RARB: variants seen among roughly 807,000 people sequenced by gnomAD.
The protein encoded by RARB is retinoic acid receptor beta.
Under a neutral mutation model 51.9 loss-of-function variants are expected in RARB, and 17 were observed. The ratio of observed to expected loss-of-function variants is 0.33; its 90% CI spans 0.22 to 0.49. RARB has a LOEUF of 0.49. Ranked by LOEUF, RARB falls within the 20% of genes least tolerant of loss-of-function variation. The probability of loss-of-function intolerance (pLI) is 0.99; values close to 1 mark genes in which losing one functional copy is unlikely to be tolerated. For synonymous variants in RARB, 215 were observed against 195.4 expected, an observed-to-expected ratio of 1.10 and a Z score of -0.84; for missense variants, 369 against 550.8, an observed-to-expected ratio of 0.67 and a Z score of 3.30.
intron 2 of RARB, among the ~76,000 whole-genome samples, chr3:24,916,768 A>G (rs372124183): frequency 1.0e-4 from 2 of 19,820 alleles, no homozygotes. Flanking sequence ...TTTGCTGTTC[A>G]AAAAAAAAAA....
chr3:25,125,309 GTTA>G (rs1699844045), intron 3 of RARB, among the ~76,000 whole-genome samples: 1 of 152,184 alleles, frequency 6.6e-6, no homozygotes, highest in Non-Finnish European at 1.5e-5. Flanking sequence ...TCAACAAATA[GTTA>G]TTATTTGCCT....
chr3:25,326,186 A>G (rs576379644), intron 5 of RARB, among the ~76,000 whole-genome samples: 3 of 152,360 alleles, frequency 2.0e-5, no homozygotes, highest in South Asian at 4.1e-4. Flanking sequence ...ATATTGCTGT[A>G]TATCTCCCTA....
At chr3:25,107,023 C>A (rs1575163504) in intron 3 of RARB, among the ~76,000 whole-genome samples, 2 of 152,038 alleles carry the variant, frequency 1.3e-5, no homozygotes, top group Non-Finnish European at 1.5e-5. Context: ...GCCTCAGCCT[C>A]CCGAATAGCT....
intron 5 of RARB, among the ~76,000 whole-genome samples, chr3:25,387,560 G>A (rs1449468213): frequency 4.6e-5 from 7 of 152,084 alleles, no homozygotes; most frequent in African/African-American, 1.7e-4. Context: ...ACTTTCTCTA[G>A]TGTAGGCAGA....
At chr3:25,208,024 G>A (rs540245570) in intron 5 of RARB, among the ~76,000 whole-genome samples, 12 of 151,680 alleles carry the variant, frequency 7.9e-5, no homozygotes, top group South Asian at 2.1e-4. Flanking sequence ...GAGGGCAAGG[G>A]GGGGAGCAAA....
chr3:24,910,812 T>C (rs770642485), intron 2 of RARB, among the ~76,000 whole-genome samples: 17 of 152,164 alleles, frequency 1.1e-4, no homozygotes, highest in Non-Finnish European at 2.5e-4. Flanking sequence ...AAATGACATA[T>C]ATTGCTGCTG....
intron 3 of RARB, among the ~76,000 whole-genome samples, chr3:25,542,916 ATAGT>A (rs144082219): frequency 0.038 from 5,766 of 152,266 alleles, 140 homozygotes; most frequent in Non-Finnish European, 0.056. Context: ...GTGTGTTCAC[ATAGT>A]TAGTGGTGGT....
chr3:24,920,234 T>C (rs1695189458), intron 2 of RARB, among the ~76,000 whole-genome samples: 1 of 152,184 alleles, frequency 6.6e-6, no homozygotes, highest in Admixed American at 6.5e-5. Context: ...TTAAAAATAG[T>C]CCACCTCTAT....
intron 4 of RARB, among the ~76,000 whole-genome samples, chr3:25,160,917 T>A (rs1178574085): frequency 6.6e-6 from 1 of 152,096 alleles, no homozygotes; most frequent in Non-Finnish European, 1.5e-5. Flanking sequence ...CACCTTCTCC[T>A]CTTCTATAAT....
At chr3:24,875,560 C>G (rs1703027900) in intron 2 of RARB, among the ~76,000 whole-genome samples, 1 of 152,048 alleles carries the variant, frequency 6.6e-6, no homozygotes, top group Non-Finnish European at 1.5e-5. Flanking sequence ...GTAAGCAACT[C>G]CAATGTAAGC....
intron 5 of RARB, among the ~76,000 whole-genome samples, chr3:25,409,891 T>C (rs558745070): frequency 1.3e-5 from 2 of 152,330 alleles, no homozygotes; most frequent in African/African-American, 4.8e-5. Context: ...CCTTCAGTGT[T>C]CTTTATCAGG....
chr3:25,089,939 A>G (rs767053555), intron 3 of RARB, among the ~76,000 whole-genome samples: 23 of 152,180 alleles, frequency 1.5e-4, no homozygotes, highest in Non-Finnish European at 3.2e-4. Context: ...ACAAAAATCA[A>G]TGGGCCTTGG....
intron 2 of RARB, among the ~76,000 whole-genome samples, chr3:24,897,291 G>C (rs1488161492): frequency 6.6e-6 from 1 of 152,074 alleles, no homozygotes; most frequent in Non-Finnish European, 1.5e-5. Context: ...TAAATATAAG[G>C]AGTAAAACGC....
chr3:24,872,107 A>T (rs1394016232), intron 2 of RARB, among the ~76,000 whole-genome samples: 1 of 152,126 alleles, frequency 6.6e-6, no homozygotes, highest in African/African-American at 2.4e-5. Flanking sequence ...TCCCCATTTC[A>T]CTTAGACTTA....
intron 5 of RARB, among the ~76,000 whole-genome samples, chr3:25,256,257 A>G (rs958212667): frequency 6.6e-6 from 1 of 152,196 alleles, no homozygotes; most frequent in Non-Finnish European, 1.5e-5. Flanking sequence ...CCTGCCATTA[A>G]GAAAATTTTA....
intron 3 of RARB, among the ~76,000 whole-genome samples, chr3:25,125,734 C>T (rs776812720): frequency 2.0e-4 from 31 of 152,110 alleles, no homozygotes; most frequent in Non-Finnish European, 4.0e-4. Flanking sequence ...CTTTTAGTAG[C>T]TCTATATGCA....
At chr3:25,091,782 C>A (rs4858703) in intron 3 of RARB, among the ~76,000 whole-genome samples, 134,728 of 152,168 alleles carry the variant, frequency 0.89, 59,997 homozygotes, top group African/African-American at 0.97. Flanking sequence ...TGCCATCCGT[C>A]TTCATGTAAA....
At chr3:24,887,464 T>C (rs1303848182) in intron 2 of RARB, among the ~76,000 whole-genome samples, 1 of 152,216 alleles carries the variant, frequency 6.6e-6, no homozygotes, top group Non-Finnish European at 1.5e-5. Context: ...CAGTATTGAG[T>C]GTACCTTCTT....
chr3:24,864,569 C>A (rs1208532756), intron 2 of RARB, among the ~76,000 whole-genome samples: 1 of 152,168 alleles, frequency 6.6e-6, no homozygotes, highest in African/African-American at 2.4e-5. Context: ...CATATCCAAA[C>A]TCAGTTTACT....
Sources: gnomAD v4.1 joint callset for allele counts (sites outside exome capture counted in the v4.1 genomes callset) on GRCh38, gnomAD v4.1.1 for gene constraint, MANE v1.5 for transcripts, NCBI Gene and HGNC (gene_info 2026-07-23, HGNC 2026-07-21) for gene names.